Variants in CCDC181 observed in about 807,000 individuals in gnomAD.
CCDC181 encodes coiled-coil domain-containing protein 181.
A neutral mutation model predicts 58.7 loss-of-function variants in CCDC181; 35 were observed. That is an observed-to-expected ratio of 0.60 (90% CI 0.46 to 0.79). CCDC181 has a LOEUF of 0.79. CCDC181 is among the 30% of genes least tolerant of loss of function. The pLI is 0.00. For synonymous variants in CCDC181, 183 were observed against 197.5 expected (o/e 0.93, Z 0.62); for missense variants, 517 against 583.9 (o/e 0.89, Z 1.18).
At chr1:169,424,574 T>G (rs987271143) in intron 2 of CCDC181, among the ~76,000 whole-genome samples, 2 of 151,838 alleles carry the variant, frequency 1.3e-5, no homozygotes, top group African/African-American at 4.8e-5. Context: ...TCACTTTAGT[T>G]TATTAAATGC....
At chr1:169,434,462 T>C (rs186311102) in intron 2 of CCDC181, among the ~76,000 whole-genome samples, 14 of 152,084 alleles carry the variant, frequency 9.2e-5, no homozygotes, top group African/African-American at 3.1e-4. Context: ...AAGCAGGATC[T>C]TGAAAAAAAT....
chr1:169,402,155 G>A (rs1175439211), intron 4 of CCDC181, among the ~76,000 whole-genome samples: 1 of 152,220 alleles, frequency 6.6e-6, no homozygotes, highest in Non-Finnish European at 1.5e-5. Flanking sequence ...ATGGGACTAT[G>A]TGAAAAGACC....
Position 169,440,931 on chromosome 1 carries a change from T to TAAAAAA in CCDC181, c.-23-15987_-23-15982dup, listed in dbSNP as rs72040890. On this transcript the variant is annotated intron_variant, in intron 2 of 6. Transcript: ENST00000545005. ...GCCCAGGCAACAGAGCAAGACTGTC[T>TAAAAAA]AAAAAAAAAAAAAAGGCAAGATGAG... Among the ~76,000 whole-genome samples the TAAAAAA allele has an allele frequency of 1.0e-4, 8 of 76,900 alleles. 2 individuals are homozygous for TAAAAAA. The highest frequency in any genetic ancestry group is 4.2e-4 in the African/African-American group (8 of 18,838). 50.4% of individuals were successfully genotyped at this position (76,900 alleles called of 152,430 possible). A position where few individuals can be genotyped will look rare whatever the true frequency, so the allele number is the denominator to read the frequency against.
intron 4 of CCDC181, among the ~76,000 whole-genome samples, chr1:169,414,052 G>A (rs1290044324): frequency 6.6e-6 from 1 of 151,980 alleles, no homozygotes; most frequent in African/African-American, 2.4e-5. Context: ...TGAATACTAA[G>A]TATAAGGAGT....
intron 2 of CCDC181, among the ~76,000 whole-genome samples, chr1:169,446,170 G>A (rs996795330): frequency 6.6e-6 from 1 of 151,996 alleles, no homozygotes; most frequent in African/African-American, 2.4e-5. Context: ...CTTAGGCCGG[G>A]TGCGGTGGCT....
In CCDC181 at chr1:169,421,573, C is replaced by T. The variant is rs760038260; in HGVS notation, c.858G>A (p.Glu286=). Residue 286 remains glutamate (E), a synonymous_variant, in exon 3 of 6, where the codon GAG becomes GAA. Coordinates refer to ENST00000367806, the MANE Select transcript of CCDC181 (RefSeq NM_001300969.2). ...IHAVTHSSTG[E]PLAYIAQPPL... is the part of the protein sequence containing the mutation. ...GTGGCTGAGCGATATAAGCCAGCGG[C>T]TCTCCTGTTGATGAGTGAGTGACAG... 1 of 1,614,114 alleles carries T rather than the reference C, an allele frequency of 6.2e-7. No individual in the cohort carries two copies.
At chr1:169,413,749 C>T (rs550715901) in intron 4 of CCDC181, among the ~76,000 whole-genome samples, 27 of 152,176 alleles carry the variant, frequency 1.8e-4, no homozygotes, top group African/African-American at 6.5e-4. Flanking sequence ...AGCCATCATT[C>T]TCAACAAACT....
chr1:169,459,088 T>C (rs1343726141), intron 2 of CCDC181, among the ~76,000 whole-genome samples: 1 of 152,226 alleles, frequency 6.6e-6, no homozygotes, highest in African/African-American at 2.4e-5. Flanking sequence ...TTATTATGCT[T>C]TTTTATTTCT....
At chr1:169,430,739 A>C (rs1189270595), upstream of CCDC181, among the ~76,000 whole-genome samples, 9 of 152,164 alleles carry the variant, frequency 5.9e-5, no homozygotes, top group Non-Finnish European at 1.0e-4. Context: ...ATTGAAAATG[A>C]AAGTACACTC....
At chr1:169,423,510 T>C (rs896909716) in intron 2 of CCDC181, among the ~76,000 whole-genome samples, 1 of 151,912 alleles carries the variant, frequency 6.6e-6, no homozygotes, top group Non-Finnish European at 1.5e-5. Context: ...AGCTCAGTCA[T>C]CCCCTTTTCC....
chr1:169,417,670 C>T (rs1656274490), intron 4 of CCDC181, among the ~76,000 whole-genome samples: 1 of 152,118 alleles, frequency 6.6e-6, no homozygotes, highest in African/African-American at 2.4e-5. Context: ...GGCTTCTAAT[C>T]ATGGCTTAGT....
chr1:169,457,142 T>C (rs1258506459), intron 2 of CCDC181, among the ~76,000 whole-genome samples: 1 of 152,134 alleles, frequency 6.6e-6, no homozygotes, highest in East Asian at 1.9e-4. Flanking sequence ...TTATATATGA[T>C]GTCTTTTCTC....
At chr1:169,406,870 G>A (rs943000239) in intron 4 of CCDC181, among the ~76,000 whole-genome samples, 2 of 151,724 alleles carry the variant, frequency 1.3e-5, no homozygotes, top group Non-Finnish European at 2.9e-5. Flanking sequence ...TTCCCTGAAT[G>A]GGCTTAACAG....
intron 2 of CCDC181, among the ~76,000 whole-genome samples, chr1:169,444,745 A>T: frequency 6.6e-6 from 1 of 152,144 alleles, no homozygotes; most frequent in East Asian, 1.9e-4. Flanking sequence ...TGGCCTTGGC[A>T]CATTTCTTAA....
intron 4 of CCDC181, among the ~76,000 whole-genome samples, chr1:169,403,085 GGGT>G (rs1363065222): frequency 6.6e-6 from 1 of 151,956 alleles, no homozygotes; most frequent in African/African-American, 2.4e-5. Context: ...TATAATGATG[GGGT>G]ATCAATCCAA....
chr1:169,454,635 T>G (rs1657636636), intron 2 of CCDC181: 1 of 151,996 alleles, frequency 6.6e-6, no homozygotes. Context: ...TCACAGGACG[T>G]TCACACTGCT....
chr1:169,418,388 TA>T (rs1656307114), intron 4 of CCDC181, among the ~76,000 whole-genome samples: 1 of 152,228 alleles, frequency 6.6e-6, no homozygotes, highest in African/African-American at 2.4e-5. Flanking sequence ...TTTTGACATG[TA>T]AATATATAAA....
chr1:169,404,734 C>T (rs1655553372), intron 4 of CCDC181, among the ~76,000 whole-genome samples: 1 of 152,186 alleles, frequency 6.6e-6, no homozygotes. Context: ...GAAGCATTCC[C>T]TTTGAAAACT....
rs1656760641 is a variant in CCDC181 at position 169,427,377 on chromosome 1, G to C, written c.-113C>G. The C allele has an allele frequency of 6.6e-6, 1 of 152,296 alleles. No homozygotes were observed. Among genetic ancestry groups the C allele is most frequent in the Non-Finnish European group, 1.5e-5 (1 of 68,148 alleles). 9.4% of individuals were successfully genotyped at this position (152,296 alleles called of 1,614,324 possible). On this transcript the variant is annotated 5_prime_UTR_variant, in exon 1 of 6. Transcript: ENST00000367806. ...CTAAGCTCTTCACATTGAGGCAAAG[G>C]AGACCCCGGCACCTGCCTCCGCGGC...
Sources: gnomAD v4.1 joint callset for allele counts (sites outside exome capture counted in the v4.1 genomes callset) on GRCh38, gnomAD v4.1.1 for gene constraint, MANE v1.5 for transcripts, NCBI Gene and HGNC (gene_info 2026-07-23, HGNC 2026-07-21) for gene names.